The following ARB2A variants were observed in gnomAD, a reference collection of about 807,000 sequenced individuals.
The protein encoded by ARB2A is ARB2 cotranscriptional regulator A.
chr5:94,081,645 G>C, the ARB2A span, among the ~76,000 whole-genome samples: 1 of 152,160 alleles, frequency 6.6e-6, no homozygotes, highest in African/African-American at 2.4e-5. Flanking sequence ...TCCAGAACAG[G>C]TAAATCCATA....
chr5:93,732,872 G>A, the ARB2A span, among the ~76,000 whole-genome samples: 1 of 151,190 alleles, frequency 6.6e-6, no homozygotes, highest in South Asian at 2.1e-4. Flanking sequence ...AATACATACA[G>A]CAAAAATTCT....
chr5:94,039,925 T>C, the ARB2A span, among the ~76,000 whole-genome samples: 1 of 152,142 alleles, frequency 6.6e-6, no homozygotes, highest in Non-Finnish European at 1.5e-5. Flanking sequence ...ACTGATCAAC[T>C]GACTTTGGGT....
the ARB2A span, among the ~76,000 whole-genome samples, chr5:93,984,868 C>T: frequency 6.6e-6 from 1 of 152,202 alleles, no homozygotes; most frequent in South Asian, 2.1e-4. Flanking sequence ...ATATGAAAAA[C>T]AATATTTTAA....
the ARB2A span, among the ~76,000 whole-genome samples, chr5:93,838,386 G>A: frequency 6.6e-6 from 1 of 152,080 alleles, no homozygotes; most frequent in Non-Finnish European, 1.5e-5. Flanking sequence ...ATACCATGCT[G>A]TTTTGGTTAC....
chr5:94,025,951 T>G, the ARB2A span, among the ~76,000 whole-genome samples: 5 of 152,272 alleles, frequency 3.3e-5, no homozygotes, highest in East Asian at 7.8e-4. Flanking sequence ...AGTGAGCAAG[T>G]GCAAGGTCCA....
chr5:93,683,003 C>T, the ARB2A span: 5 of 1,580,636 alleles, frequency 3.2e-6, no homozygotes, highest in Non-Finnish European at 3.4e-6. Flanking sequence ...AGAACTAGGT[C>T]CTTTTGGTGT....
the ARB2A span, chr5:93,739,691 T>C: frequency 6.6e-6 from 1 of 152,244 alleles, no homozygotes; most frequent in South Asian, 2.1e-4. Flanking sequence ...TATTTGACGT[T>C]TAATGGCAAA....
At chr5:94,047,359 G>C in the ARB2A span, among the ~76,000 whole-genome samples, 8 of 152,114 alleles carry the variant, frequency 5.3e-5, no homozygotes, top group African/African-American at 1.4e-4. Context: ...AGGTGTGGTG[G>C]TGCATGCCTG....
chr5:93,774,054 G>C, the ARB2A span, among the ~76,000 whole-genome samples: 1 of 152,172 alleles, frequency 6.6e-6, no homozygotes, highest in Non-Finnish European at 1.5e-5. Flanking sequence ...GGAATTACAG[G>C]TATGAGCCAC....
At chr5:93,689,968 C>G in the ARB2A span, among the ~76,000 whole-genome samples, 5 of 152,086 alleles carry the variant, frequency 3.3e-5, no homozygotes, top group Admixed American at 6.5e-5. Flanking sequence ...AACTCCCTCC[C>G]CTAGCCAAGG....
At chr5:93,739,314 A>C in the ARB2A span, 1 of 152,182 alleles carries the variant, frequency 6.6e-6, no homozygotes, top group African/African-American at 2.4e-5. Flanking sequence ...GAAAGAAACC[A>C]GAAGAAACTA....
At chr5:93,634,899 C>T in the ARB2A span, among the ~76,000 whole-genome samples, 2 of 152,034 alleles carry the variant, frequency 1.3e-5, no homozygotes, top group African/African-American at 2.4e-5. Flanking sequence ...ATCAGCCTCC[C>T]GAGTAGCTGG....
chr5:93,966,941 C>A, the ARB2A span, among the ~76,000 whole-genome samples: 1 of 151,776 alleles, frequency 6.6e-6, no homozygotes, highest in Non-Finnish European at 1.5e-5. Flanking sequence ...ACAGAAGATA[C>A]TTAAAATTGT....
At chr5:93,779,110 TG>T in the ARB2A span, among the ~76,000 whole-genome samples, 1 of 148,604 alleles carries the variant, frequency 6.7e-6, no homozygotes, top group Non-Finnish European at 1.5e-5. Flanking sequence ...TGTGTGTGTG[TG>T]TGTGTGTGTG....
At chr5:93,983,345 T>C in the ARB2A span, among the ~76,000 whole-genome samples, 1 of 151,928 alleles carries the variant, frequency 6.6e-6, no homozygotes, top group Non-Finnish European at 1.5e-5. Context: ...GTACCAAAAA[T>C]TAAGAAAATA....
the ARB2A span, among the ~76,000 whole-genome samples, chr5:93,925,485 T>C: frequency 6.6e-6 from 1 of 152,196 alleles, no homozygotes; most frequent in African/African-American, 2.4e-5. Flanking sequence ...CTCCATGACA[T>C]GCTAAGACAG....
chr5:93,783,728 CA>C, the ARB2A span, among the ~76,000 whole-genome samples: 13 of 152,004 alleles, frequency 8.6e-5, no homozygotes, highest in Non-Finnish European at 1.5e-4. Flanking sequence ...GTCATAGGAA[CA>C]AAAAATATAA....
chr5:94,056,302 T>C, the ARB2A span, among the ~76,000 whole-genome samples: 4 of 152,200 alleles, frequency 2.6e-5, no homozygotes, highest in Non-Finnish European at 4.4e-5. Context: ...TAAAAAGACA[T>C]TCCTCAAATT....
chr5:94,022,372 A>G, the ARB2A span, among the ~76,000 whole-genome samples: 2 of 152,178 alleles, frequency 1.3e-5, no homozygotes, highest in Non-Finnish European at 2.9e-5. Flanking sequence ...AAATGGCAAC[A>G]TGAACAGTCC....
Sources: allele counts gnomAD v4.1 joint callset (sites outside exome capture counted in the v4.1 genomes callset), GRCh38; gene constraint gnomAD v4.1.1; transcripts MANE v1.5; gene names NCBI Gene and HGNC (gene_info 2026-07-23, HGNC 2026-07-21).